The following RTTN variants were observed in gnomAD, a reference collection of about 807,000 sequenced individuals.
The protein encoded by RTTN is rotatin.
RTTN carries 182 observed loss-of-function variants against 269.2 expected under a neutral mutation model. The observed-to-expected ratio is 0.68, with a 90% CI of 0.60 to 0.76. RTTN has a LOEUF of 0.76. Among genes scored for constraint, RTTN ranks in the 30% least tolerant of loss-of-function variants. RTTN has a pLI of 0.00. For synonymous variants in RTTN, 1,006 were observed against 963.5 expected (o/e 1.04, Z -0.82); for missense variants, 2,545 against 2,608.6 (o/e 0.98, Z 0.53).
At chr18:70,018,826 CTTTTTTTT>C (rs5825984) in intron 45 of RTTN, among the ~76,000 whole-genome samples, 34 of 48,986 alleles carry the variant, frequency 6.9e-4, no homozygotes, top group East Asian at 1.6e-3. Context: ...GTGGGCACTC[CTTTTTTTT>C]TTTTTTTTTT....
intron 2 of RTTN, 54 bp downstream of exon 2, chr18:70,205,074 A>C (rs1464388947): frequency 1.6e-5 from 25 of 1,529,930 alleles, no homozygotes; most frequent in Non-Finnish European, 2.1e-5. Context: ...CAATTAAATG[A>C]CTAAGAAACA....
rs887153310 is a variant in RTTN at position 70,087,980 on chromosome 18, C to A, written c.4302+9G>T. ...TTCTAAGGAAAAAAAGGAGAAAAGACAGACATACCTCCCGGCGCACCATAC... is the reference window on the plus strand; with the variant it reads ...TTCTAAGGAAAAAAAGGAGAAAAGAAAGACATACCTCCCGGCGCACCATAC... On this transcript the variant is annotated intron_variant, in intron 31 of 48. Transcript: ENST00000640769. The A allele has an allele frequency of 1.2e-6, 2 of 1,609,630 alleles. No individual in the cohort carries two copies. The highest frequency in any genetic ancestry group is 3.4e-5 in the Admixed American group (2 of 58,946).
At position 70,017,738 on chromosome 18, in the gene RTTN, G is replaced by C; in HGVS notation, c.6154-64C>G. 4 of 1,348,648 alleles carry C rather than the reference G, an allele frequency of 3.0e-6. No individual in the cohort carries two copies. In the South Asian group the frequency reaches 5.7e-5, roughly 19 times the overall value. 83.5% of individuals were successfully genotyped at this position (1,348,648 alleles called of 1,614,324 possible). A position where few individuals can be genotyped will look rare whatever the true frequency, so the allele number is the denominator to read the frequency against. Reference sequence around the variant, plus strand: ...TTTTTCATTATTTTCCTAGTCCCTTGGTGACCAATTAACTAACATTCTGAT... The same window carrying C: ...TTTTTCATTATTTTCCTAGTCCCTTCGTGACCAATTAACTAACATTCTGAT... On this transcript the variant is annotated intron_variant, in intron 45 of 48. Transcript: ENST00000640769.
chr18:70,205,229 T>G lies in RTTN; in HGVS notation c.118A>C (p.Ile40Leu). Residue 40 changes from isoleucine (I) to leucine (L), a missense_variant, in exon 2 of 49, where the codon ATT (isoleucine) becomes CTT (leucine). By Grantham distance (5) the Ile-to-Leu change is conservative. Transcript: ENST00000640769. Reference protein sequence around the residue: ...EHNLICYADLIQERQLFLHLL... With the variant: ...EHNLICYADLLQERQLFLHLL... ...TGAAGAAAAAGTTGCCTCTCCTGAA[T>G]GAGATCAGCGTAGCAGATTAAGTTG... 6.2e-7 allele frequency: 1 copy of G among 1,614,250 alleles called. No individual in the cohort carries two copies. Among genetic ancestry groups the G allele is most frequent in the South Asian group, 1.1e-5 (1 of 91,088 alleles).
intron 21 of RTTN, among the ~76,000 whole-genome samples, chr18:70,136,597 A>T (rs1156651012): frequency 6.6e-6 from 1 of 152,004 alleles, no homozygotes; most frequent in Non-Finnish European, 1.5e-5. Context: ...TGAAAAGATA[A>T]CTTCACTAAA....
chr18:70,031,754 A>T (rs1481467513), intron 40 of RTTN, among the ~76,000 whole-genome samples: 4 of 151,368 alleles, frequency 2.6e-5, no homozygotes, highest in Non-Finnish European at 5.9e-5. Context: ...CTGGGACACC[A>T]GGAAGACTGG....
At chr18:70,201,789 T>C in intron 4 of RTTN, 105 bp downstream of exon 4, 1 of 672,312 alleles carries the variant, frequency 1.5e-6, no homozygotes, top group Admixed American at 2.8e-5. Flanking sequence ...AGTTTGGTGC[T>C]GAAACATTCA....
At chr18:70,091,355 T>C (rs1305028018) in intron 30 of RTTN, among the ~76,000 whole-genome samples, 1 of 151,866 alleles carries the variant, frequency 6.6e-6, no homozygotes, top group Non-Finnish European at 1.5e-5. Flanking sequence ...TTCTAGGAGA[T>C]AATTAAGGTT....
At chr18:70,141,730 T>C (rs550663131) in intron 19 of RTTN, among the ~76,000 whole-genome samples, 1 of 152,098 alleles carries the variant, frequency 6.6e-6, no homozygotes, top group Non-Finnish European at 1.5e-5. Context: ...GTATCAAACC[T>C]GCACATTGTG....
intron 43 of RTTN, among the ~76,000 whole-genome samples, chr18:70,025,531 T>C (rs917304544): frequency 6.6e-6 from 1 of 152,154 alleles, no homozygotes; most frequent in Non-Finnish European, 1.5e-5. Flanking sequence ...ACACACCCTA[T>C]ACGATTTCAC....
At chr18:70,142,157 G>A in intron 19 of RTTN, 131 bp downstream of exon 19, 3 of 600,534 alleles carry the variant, frequency 5.0e-6, no homozygotes, top group East Asian at 5.5e-5. Context: ...CATTCTTGAG[G>A]GCTGTCAAAA....
intron 43 of RTTN, among the ~76,000 whole-genome samples, chr18:70,025,281 T>C (rs1330454852): frequency 6.6e-6 from 1 of 152,216 alleles, no homozygotes; most frequent in African/African-American, 2.4e-5. Context: ...TGTGTGTATA[T>C]ACTCAAAGTA....
chr18:70,134,053 A>G (rs1470221904), intron 23 of RTTN, among the ~76,000 whole-genome samples: 2 of 152,130 alleles, frequency 1.3e-5, no homozygotes, highest in Non-Finnish European at 2.9e-5. Flanking sequence ...TATGTAGAAT[A>G]ATGTCCTTAA....
At chr18:70,204,288 G>C (rs751990364) in intron 2 of RTTN, 25 bp from the exon 3 acceptor site, 3 of 1,570,918 alleles carry the variant, frequency 1.9e-6, no homozygotes, top group African/African-American at 1.4e-5. Context: ...GGATGATCTT[G>C]AGAATAACTG....
chr18:70,005,214 G>GTT lies in RTTN; in HGVS notation c.6578_6579insAA (p.Tyr2193Ter). 6.2e-7 allele frequency: 1 copy of GTT among 1,611,760 alleles called. No individual in the cohort carries two copies. Among genetic ancestry groups the GTT allele is most frequent in the South Asian group, 1.1e-5 (1 of 90,840 alleles). The stretch of plus-strand genomic sequence containing the variant: ...GCAACTTACTTTTCTTTGCTAAGGA[G>GTT]TATGCTTCATCCACTCTTCTTTTTA... The part of the protein sequence containing the change: ...PSVKRRVDEA[Y>*]SLAKKTFPNS... The change falls in exon 48 of 49, where the codon TAC becomes TAAAC. Residue 2193 changes from tyrosine to a stop codon, truncating the protein, a stop_gained and frameshift_variant. Transcript: ENST00000640769. LOFTEE classifies it high-confidence loss of function.
Position 70,188,101 on chromosome 18 carries a change from T to C in RTTN, c.1305+7A>G. 1 of 1,510,160 alleles carries C rather than the reference T, an allele frequency of 6.6e-7. No homozygotes were observed. The highest frequency in any genetic ancestry group is 9.2e-7 in the Non-Finnish European group (1 of 1,088,454). 93.5% of individuals were successfully genotyped at this position (1,510,160 alleles called of 1,614,324 possible). ...CCCTATATCCCAAAGAAAACATTGA[T>C]TCTTACCATATCTATACCAAAAAGG... On this transcript the variant is annotated splice_region_variant and intron_variant, in intron 10 of 48. Transcript: ENST00000640769.
rs185538973 is a variant in RTTN at position 70,189,492 on chromosome 18, C to G, written c.1189+1046G>C. On this transcript the variant is annotated intron_variant, in intron 9 of 48. Coordinates refer to ENST00000640769, the MANE Select transcript of RTTN (RefSeq NM_173630.4). The stretch of plus-strand genomic sequence containing the variant: ...TTTATATCCTGATGAGTTTATCAAA[C>G]GTTGAAAATGTATAGATTTTGAGAA... 5.3e-5 allele frequency among the ~76,000 whole-genome samples: 8 copies of G among 152,198 alleles called. No homozygotes were observed. The East Asian group carries it at 1.4e-3, about 26-fold the overall frequency.
chr18:70,188,300 T>C, intron 9 of RTTN, 77 bp from the exon 10 acceptor site: 1 of 775,652 alleles, frequency 1.3e-6, no homozygotes, highest in Non-Finnish European at 2.2e-6. Flanking sequence ...ATCATATTGC[T>C]CAATTTTCTA....
At chr18:70,131,519 G>A (rs2145644923) in intron 23 of RTTN, 1 of 151,628 alleles carries the variant, frequency 6.6e-6, no homozygotes, top group South Asian at 2.1e-4. Context: ...ATAATCATCT[G>A]TATAAAATAT....
Sources: gnomAD v4.1 joint callset for allele counts (sites outside exome capture counted in the v4.1 genomes callset) on GRCh38, gnomAD v4.1.1 for gene constraint, MANE v1.5 for transcripts, NCBI Gene and HGNC (gene_info 2026-07-23, HGNC 2026-07-21) for gene names.